The following PDGFC variants were observed in gnomAD, a reference collection of about 807,000 sequenced individuals.
PDGFC encodes the protein platelet-derived growth factor C.
Under a neutral mutation model 35.5 loss-of-function variants are expected in PDGFC, and 12 were observed. That is an observed-to-expected ratio of 0.34 (90% CI 0.22 to 0.55). The LOEUF is 0.55. Among genes scored for constraint, PDGFC ranks in the 20% least tolerant of loss-of-function variants. The probability of loss-of-function intolerance (pLI) is 0.91; values close to 1 mark genes in which losing one functional copy is unlikely to be tolerated. For synonymous variants in PDGFC, 159 were observed against 148.8 expected, an observed-to-expected ratio of 1.07 and a Z score of -0.50; for missense variants, 322 against 412.4, an observed-to-expected ratio of 0.78 and a Z score of 1.90.
chr4:156,873,150 C>T (rs949735679), intron 1 of PDGFC, among the ~76,000 whole-genome samples: 2 of 152,064 alleles, frequency 1.3e-5, no homozygotes, highest in African/African-American at 4.8e-5. Context: ...AAGAAGAATG[C>T]TCATATATAA....
chr4:156,791,974 A>T (rs1225148956), intron 3 of PDGFC, among the ~76,000 whole-genome samples: 1 of 152,188 alleles, frequency 6.6e-6, no homozygotes, highest in East Asian at 1.9e-4. Context: ...GGAAACTTTG[A>T]TATATCTAAT....
rs537394586 is a variant in PDGFC, at chr4:156,810,538, CTTTA to C, written c.495+295_495+298del. On this transcript the variant is annotated intron_variant, in intron 3 of 5. Coordinates refer to ENST00000502773, the MANE Select transcript of PDGFC (RefSeq NM_016205.3). ...TACCCTTAACCAATACTTAAATTTC[CTTTA>C]TTTAATCAGTTGTCTAGATAATATT... Among the ~76,000 whole-genome samples, 16 of 151,974 alleles carry C rather than the reference CTTTA, an allele frequency of 1.1e-4. No individual in the cohort carries two copies. The South Asian group carries it at 2.7e-3, about 26-fold the overall frequency.
rs187998256 is a variant in PDGFC at position 156,846,583 on chromosome 4, T to C, written c.314+3638A>G. ...AATGCAATTATAATGTTTTATTAGA[T>C]CAAAAAGATGAAAAAATGATTAAAA... On this transcript the variant is annotated intron_variant, in intron 2 of 5. Coordinates refer to ENST00000502773, the MANE Select transcript of PDGFC (RefSeq NM_016205.3). Among the ~76,000 whole-genome samples the C allele has an allele frequency of 5.9e-3, 902 of 151,756 alleles. 4 individuals are homozygous for C. Among genetic ancestry groups the C allele is most frequent in the Non-Finnish European group, 9.8e-3 (665 of 67,668 alleles).
intron 4 of PDGFC, among the ~76,000 whole-genome samples, chr4:156,770,827 T>A (rs768514232): frequency 2.6e-5 from 4 of 152,190 alleles, no homozygotes; most frequent in Non-Finnish European, 5.9e-5. Flanking sequence ...CCAAAGATAG[T>A]CTATTACTGT....
chr4:156,913,469 C>T (rs954554387), intron 1 of PDGFC, among the ~76,000 whole-genome samples: 3 of 152,176 alleles, frequency 2.0e-5, no homozygotes, highest in African/African-American at 7.2e-5. Flanking sequence ...ACAGTGACAA[C>T]CAATGAACTA....
At chr4:156,918,267 C>T (rs1731195742) in intron 1 of PDGFC, among the ~76,000 whole-genome samples, 1 of 152,036 alleles carries the variant, frequency 6.6e-6, no homozygotes, top group African/African-American at 2.4e-5. Flanking sequence ...TATCATTTTC[C>T]CCCATACTCC....
At chr4:156,784,106 C>T (rs1731055142) in intron 3 of PDGFC, among the ~76,000 whole-genome samples, 1 of 152,200 alleles carries the variant, frequency 6.6e-6, no homozygotes, top group African/African-American at 2.4e-5. Context: ...ATTTTTGTGG[C>T]ATTAAATATA....
intron 1 of PDGFC, among the ~76,000 whole-genome samples, chr4:156,946,841 A>G (rs1731960311): frequency 1.3e-5 from 2 of 152,038 alleles, no homozygotes; most frequent in Non-Finnish European, 2.9e-5. Context: ...ATGTGTTAAG[A>G]CTTTCTTGCC....
chr4:156,923,086 G>A (rs1731325434), intron 1 of PDGFC, among the ~76,000 whole-genome samples: 1 of 152,042 alleles, frequency 6.6e-6, no homozygotes, highest in African/African-American at 2.4e-5. Context: ...AAATCTTCCA[G>A]AGTCTTCTCA....
rs573878137 is a variant in PDGFC at position 156,860,710 on chromosome 4, C to T, written c.119-10294G>A. On this transcript the variant is annotated intron_variant, in intron 1 of 5. Coordinates refer to ENST00000502773, the MANE Select transcript of PDGFC (RefSeq NM_016205.3). ...TTTTTAAAGAAAGATATGCATAATG[C>T]ATAATGTAAGACTTAAAATATGAAA... 1.9e-4 allele frequency among the ~76,000 whole-genome samples: 29 copies of T among 152,124 alleles called. No individual in the cohort carries two copies. In the South Asian group the frequency reaches 5.8e-3, roughly 31 times the overall value.
chr4:156,966,448 CT>C (rs979354852), intron 1 of PDGFC, among the ~76,000 whole-genome samples: 243 of 146,276 alleles, frequency 1.7e-3, no homozygotes, highest in African/African-American at 5.0e-3. Flanking sequence ...GTCTTGGAAA[CT>C]TTTTTTTTTT....
chr4:156,919,285 C>T (rs900728530), intron 1 of PDGFC, among the ~76,000 whole-genome samples: 3 of 152,164 alleles, frequency 2.0e-5, no homozygotes, highest in Admixed American at 6.6e-5. Flanking sequence ...ATGCGCTTTA[C>T]ATACAGGTGA....
intron 3 of PDGFC, among the ~76,000 whole-genome samples, chr4:156,783,177 C>T (rs181496541): frequency 5.9e-5 from 9 of 152,182 alleles, no homozygotes; most frequent in Non-Finnish European, 5.9e-5. Flanking sequence ...AAGATGAAGA[C>T]TGTGACAAAG....
At chr4:156,922,098 G>T (rs1731296490) in intron 1 of PDGFC, among the ~76,000 whole-genome samples, 1 of 151,928 alleles carries the variant, frequency 6.6e-6, no homozygotes, top group African/African-American at 2.4e-5. Flanking sequence ...TAAATATATT[G>T]TAAGGAGCAA....
At chr4:156,839,780 A>C (rs114623178) in intron 2 of PDGFC, among the ~76,000 whole-genome samples, 291 of 152,280 alleles carry the variant, frequency 1.9e-3, no homozygotes, top group African/African-American at 6.7e-3. Context: ...GCTTTGACCA[A>C]AATGTTGATA....
chr4:156,798,768 T>A (rs1326038243), intron 3 of PDGFC, among the ~76,000 whole-genome samples: 1 of 152,218 alleles, frequency 6.6e-6, no homozygotes, highest in East Asian at 1.9e-4. Flanking sequence ...AGTGCTTGCA[T>A]ATTTCTTTCT....
intron 3 of PDGFC, among the ~76,000 whole-genome samples, chr4:156,775,673 T>A (rs11943966): frequency 0.19 from 29,121 of 151,998 alleles, 3,024 homozygotes; most frequent in South Asian, 0.4. Flanking sequence ...AAGCCTGTAA[T>A]AATGGGCAAA....
chr4:156,809,323 TC>T (rs1731865065), intron 3 of PDGFC, among the ~76,000 whole-genome samples: 1 of 152,076 alleles, frequency 6.6e-6, no homozygotes, highest in Non-Finnish European at 1.5e-5. Flanking sequence ...GTGTCTGGTC[TC>T]AGTCACAGTA....
chr4:156,848,540 A>C (rs920519553), intron 2 of PDGFC, among the ~76,000 whole-genome samples: 1 of 151,970 alleles, frequency 6.6e-6, no homozygotes. Flanking sequence ...ACAACAAATG[A>C]TCTAATAAGC....
Sources: gnomAD v4.1 joint callset for allele counts (sites outside exome capture counted in the v4.1 genomes callset) on GRCh38, gnomAD v4.1.1 for gene constraint, MANE v1.5 for transcripts, NCBI Gene and HGNC (gene_info 2026-07-23, HGNC 2026-07-21) for gene names.